Variants in MTRR observed in about 807,000 individuals in gnomAD.
MTRR encodes the protein methionine synthase reductase.
In MTRR, 63 loss-of-function variants were observed where a neutral mutation model predicts 79.2. That is an observed-to-expected ratio of 0.80 (90% confidence interval 0.65 to 0.98). MTRR has a LOEUF of 0.98. Ranked by LOEUF, MTRR falls within the 50% of genes least tolerant of loss-of-function variation. MTRR has a pLI of 0.00. For synonymous variants in MTRR, 355 were observed against 313.3 expected (o/e 1.13, Z -1.41); for missense variants, 895 against 839.6 (o/e 1.07, Z -0.82).
chr5:7,855,331 GAAA>G (rs150385415), intron 1 of MTRR, among the ~76,000 whole-genome samples: 3 of 145,692 alleles, frequency 2.1e-5, no homozygotes, highest in Non-Finnish European at 4.5e-5. Flanking sequence ...GATAAAAAAA[GAAA>G]AAAAGCTTAT....
chr5:7,895,765 T>C lies in MTRR; in HGVS notation c.1589T>C (p.Phe530Ser), dbSNP rs926136845. 8.7e-6 allele frequency: 14 copies of C among 1,613,992 alleles called. No individual in the cohort carries two copies. The highest frequency in any genetic ancestry group is 1.0e-5 in the Non-Finnish European group (12 of 1,179,984). ...ISISPRTTNS[F>S]HLPDDPSIPI... ...ATCTCTCCTCGAACAACAAATTCTT[T>C]CCACTTACCAGATGACCCCTCAATC... is the stretch of plus-strand genomic sequence containing the variant. Residue 530 changes from phenylalanine to serine, a missense_variant, in exon 12 of 15, where the codon TTC becomes TCC. Physicochemically the swap from Phe to Ser is radical, Grantham distance 155. Coordinates refer to ENST00000440940, the MANE Select transcript of MTRR (RefSeq NM_002454.3).
At chr5:7,888,487 G>A (rs999160327) in intron 8 of MTRR, among the ~76,000 whole-genome samples, 9 of 152,210 alleles carry the variant, frequency 5.9e-5, no homozygotes, top group African/African-American at 1.9e-4. Context: ...TGTTTCCTGA[G>A]TCGTTGTTTT....
At chr5:7,874,800 G>T (rs1048896808) in intron 3 of MTRR, among the ~76,000 whole-genome samples, 2 of 152,078 alleles carry the variant, frequency 1.3e-5, no homozygotes, top group Non-Finnish European at 2.9e-5. Flanking sequence ...TGAATAATAT[G>T]TACACAAGTG....
chr5:7,883,853 T>C (rs1315910210), intron 6 of MTRR, among the ~76,000 whole-genome samples: 3 of 152,200 alleles, frequency 2.0e-5, no homozygotes, highest in African/African-American at 7.2e-5. Flanking sequence ...GAAAGGAAGC[T>C]GTCCACTAAG....
intron 2 of MTRR, among the ~76,000 whole-genome samples, chr5:7,871,823 A>G (rs1035425721): frequency 6.6e-6 from 1 of 152,244 alleles, no homozygotes; most frequent in Non-Finnish European, 1.5e-5. Context: ...GCCAGTCAGC[A>G]GACTCTGTCA....
intron 12 of MTRR, 46 bp downstream of exon 12, chr5:7,895,898 C>T (rs768946416): frequency 1.8e-5 from 29 of 1,611,206 alleles, no homozygotes; most frequent in Middle Eastern, 1.6e-4. Flanking sequence ...CCTGAGTAAC[C>T]GTTTTTGTTT....
At chr5:7,869,125 G>C (rs562675453), upstream of MTRR, 9 of 1,613,396 alleles carry the variant, frequency 5.6e-6, no homozygotes, top group African/African-American at 1.3e-5. Context: ...TTGGTCCTGG[G>C]TACCGAGCAT....
rs745998127 is a variant in MTRR, at chr5:7,853,799, A to G, written n.391+2214A>G. 9.7e-4 allele frequency among the ~76,000 whole-genome samples: 147 copies of G among 152,150 alleles called. 1 individual carries two copies. Among genetic ancestry groups the G allele is most frequent in the Non-Finnish European group, 4.7e-4 (32 of 68,020 alleles). ...TACGACCACTGCCCCAGGGCCTCAC[A>G]GTCTCCCCTGGAGTGTCTTGCCTCC... On this transcript the variant is annotated intron_variant and non_coding_transcript_variant, in intron 1 of 3. Transcript: ENST00000502509.
chr5:7,887,065 C>T (rs1736612165), intron 8 of MTRR, among the ~76,000 whole-genome samples: 1 of 152,158 alleles, frequency 6.6e-6, no homozygotes, highest in Non-Finnish European at 1.5e-5. Flanking sequence ...CTACACATTG[C>T]TGCTCCTTCT....
chr5:7,864,037 G>A (rs1746753030), intron 2 of MTRR, among the ~76,000 whole-genome samples: 1 of 152,122 alleles, frequency 6.6e-6, no homozygotes, highest in Admixed American at 6.5e-5. Flanking sequence ...TTTTAGTAGA[G>A]ACAGGGTTTC....
At chr5:7,868,956 G>A (rs765871508), upstream of MTRR, 4 of 734,338 alleles carry the variant, frequency 5.4e-6, no homozygotes, top group South Asian at 5.9e-5. Context: ...CCAACTGCGC[G>A]GAGACCCCGC....
At chr5:7,892,619 A>G (rs1737791149) in intron 10 of MTRR, 108 bp from the exon 11 acceptor site, 8 of 1,231,294 alleles carry the variant, frequency 6.5e-6, no homozygotes, top group Non-Finnish European at 9.5e-6. Flanking sequence ...TGGAAGGTAG[A>G]TTAGAGCCTA....
chr5:7,894,145 T>G (rs1032718931), intron 11 of MTRR, among the ~76,000 whole-genome samples: 17 of 152,318 alleles, frequency 1.1e-4, no homozygotes, highest in African/African-American at 3.8e-4. Context: ...TTAACAGATT[T>G]TTATTAACTA....
upstream of MTRR, chr5:7,868,947 C>CAACT (rs749123217): frequency 3.8e-5 from 27 of 704,092 alleles, no homozygotes; most frequent in African/African-American, 4.5e-4. Flanking sequence ...CCAGCCGGAC[C>CAACT]AACTGCGCGG....
intron 11 of MTRR, chr5:7,893,698 T>G (rs3776460): frequency 0.041 from 6,236 of 152,308 alleles, 257 homozygotes; most frequent in East Asian, 0.19. Context: ...AGTGATTCAC[T>G]TGGAGTGTTG....
chr5:7,890,310 A>C (rs1456998000), intron 9 of MTRR: 48 of 985,186 alleles, frequency 4.9e-5, no homozygotes, highest in Non-Finnish European at 5.8e-5. Flanking sequence ...GTGTTGCTGA[A>C]TGAGGCTGCT....
Position 7,899,923 on chromosome 5 carries a change from G to A in MTRR, c.1962G>A (p.Lys654=). Residue 654 remains lysine (K), a synonymous_variant, in exon 15 of 15, where the codon AAG becomes AAA. Coordinates refer to ENST00000440940, the MANE Select transcript of MTRR (RefSeq NM_002454.3). The stretch of plus-strand genomic sequence containing the variant: ...TTATTTTCTTTTCTAGAGATGCAAA[G>A]AATATGGCCAAGGATGTACATGATG... ...NGHIYVCGDA[K]NMAKDVHDAL... is the part of the protein sequence containing the mutation. The A allele has an allele frequency of 6.2e-7, 1 of 1,614,176 alleles. No individual in the cohort carries two copies.
chr5:7,891,866 C>T (rs1737655800), intron 10 of MTRR, among the ~76,000 whole-genome samples: 1 of 152,046 alleles, frequency 6.6e-6, no homozygotes, highest in South Asian at 2.1e-4. Flanking sequence ...CACGGTGAAA[C>T]CCCGTCTCTA....
chr5:7,854,556 ATGG>A (rs1379882165), intron 1 of MTRR, among the ~76,000 whole-genome samples: 1 of 152,128 alleles, frequency 6.6e-6, no homozygotes, highest in Non-Finnish European at 1.5e-5. Context: ...CACTCCTTAC[ATGG>A]TGGCGGCAAG....
Sources: gnomAD v4.1 joint callset for allele counts (sites outside exome capture counted in the v4.1 genomes callset) on GRCh38, gnomAD v4.1.1 for gene constraint, MANE v1.5 for transcripts, NCBI Gene and HGNC (gene_info 2026-07-23, HGNC 2026-07-21) for gene names.